ZNF331: variants seen among roughly 807,000 people sequenced by gnomAD.
The protein encoded by ZNF331 is C2H2-like zinc finger protein rearranged in thyroid adenomas.
Under a neutral mutation model 7.0 loss-of-function variants are expected in ZNF331, and 2 were observed. That is an observed-to-expected ratio of 0.29 (90% CI 0.12 to 0.90). ZNF331 has a LOEUF of 0.90. Ranked by LOEUF, ZNF331 falls within the 40% of genes least tolerant of loss-of-function variation. The pLI, the probability that ZNF331 is intolerant of heterozygous loss-of-function variation, is 0.58. For synonymous variants in ZNF331, 196 were observed against 205.4 expected (o/e 0.95, Z 0.39); for missense variants, 432 against 587.7 (o/e 0.74, Z 2.74).
chr19:53,547,207 C>G (rs1002623846), intron 2 of ZNF331, among the ~76,000 whole-genome samples: 1 of 152,182 alleles, frequency 6.6e-6, no homozygotes, highest in Non-Finnish European at 1.5e-5. Flanking sequence ...CATTCCCCAT[C>G]ACCCTCCCAG....
intron 5 of ZNF331, among the ~76,000 whole-genome samples, chr19:53,575,499 C>CTTTTTTTT (rs34296898): frequency 5.7e-4 from 43 of 75,896 alleles, no homozygotes; most frequent in Non-Finnish European, 6.1e-4. Context: ...TACCCAGTTG[C>CTTTTTTTT]TTTTTTTTTT....
intron 2 of ZNF331, among the ~76,000 whole-genome samples, chr19:53,553,413 G>A (rs929056047): frequency 2.6e-5 from 4 of 152,144 alleles, no homozygotes; most frequent in African/African-American, 9.7e-5. Flanking sequence ...GTGTAACCAG[G>A]TGAAAGATAC....
intron 3 of ZNF331, among the ~76,000 whole-genome samples, chr19:53,559,455 TATATACACACC>T (rs1473545662): frequency 7.2e-6 from 1 of 139,804 alleles, no homozygotes; most frequent in African/African-American, 3.2e-5. Context: ...TATACACACA[TATATACACACC>T]ATACACACAT....
At chr19:53,572,572 ATT>A (rs966431316) in intron 5 of ZNF331, among the ~76,000 whole-genome samples, 2 of 58,544 alleles carry the variant, frequency 3.4e-5, no homozygotes, top group African/African-American at 1.2e-4. Flanking sequence ...ACACATATAT[ATT>A]ATATATACAC....
chr19:53,545,816 G>A (rs974822660), intron 2 of ZNF331, among the ~76,000 whole-genome samples: 2 of 152,158 alleles, frequency 1.3e-5, no homozygotes, highest in Admixed American at 6.5e-5. Context: ...CAAGCCGGAC[G>A]TGTTCTCCGT....
chr19:53,546,494 T>C (rs2088625056), intron 2 of ZNF331, among the ~76,000 whole-genome samples: 1 of 151,536 alleles, frequency 6.6e-6, no homozygotes. Context: ...GACATCCTGC[T>C]GTGTGCTCTG....
intron 3 of ZNF331, among the ~76,000 whole-genome samples, chr19:53,566,574 T>C (rs1388557050): frequency 1.3e-5 from 2 of 151,868 alleles, no homozygotes; most frequent in Non-Finnish European, 1.5e-5. Flanking sequence ...CCACATTGTT[T>C]ATACTGATTA....
chr19:53,512,497 C>T, the ZNF331 span: 1 of 152,318 alleles, frequency 6.6e-6, no homozygotes, highest in Non-Finnish European at 1.5e-5. Context: ...GCTTACTTCC[C>T]TTACCCAGTG....
rs777409956 is a variant in ZNF331 at position 53,539,044 on chromosome 19, G to C, written c.-204-172G>C. ...AGGAGTAGAATTCCTCCTGTAGAGG[G>C]ACAGGTCCCTGATGTGGGAGACAGG... On this transcript the variant is annotated intron_variant, in intron 1 of 5. Coordinates refer to ENST00000449416, the MANE Select transcript of ZNF331 (RefSeq NM_001079906.2). This position sits in a 1 kb window ranked among gnomAD's most constrained non-coding sequence, Gnocchi z 6.1. 10 of 152,238 alleles carry C rather than the reference G, an allele frequency of 6.6e-5. No individual in the cohort carries two copies. The highest frequency in any genetic ancestry group is 1.3e-4 in the Non-Finnish European group (9 of 68,070). The allele number at this position is 152,238 out of a possible 1,614,324, so 9.4% of individuals were successfully genotyped here.
rs1427275056 is a variant in ZNF331 at position 53,571,430 on chromosome 19, G to A, written c.10-174G>A. On this transcript the variant is annotated intron_variant, in intron 4 of 5. Transcript: ENST00000449416. This position sits in a 1 kb window ranked among gnomAD's most constrained non-coding sequence, Gnocchi z 4.7. ...CAGCGGTAGAGCTCTTCAGTGACAT[G>A]CAGGCATTCTGCTTCCGTCACAGTT... Among the ~76,000 whole-genome samples, 2 of 152,168 alleles carry A rather than the reference G, an allele frequency of 1.3e-5. No homozygotes were observed. The highest frequency in any genetic ancestry group is 1.9e-4 in the East Asian group (1 of 5,180).
At chr19:53,574,845 T>C (rs1328735357) in intron 5 of ZNF331, among the ~76,000 whole-genome samples, 1 of 152,214 alleles carries the variant, frequency 6.6e-6, no homozygotes, top group Admixed American at 6.5e-5. Flanking sequence ...ATCTGCTAAT[T>C]GCTCATGCAG....
At position 53,579,188 on chromosome 19, in the gene ZNF331, G is replaced by GT. The variant is rs2090840411; in HGVS notation, c.*1241dup. The GT allele has an allele frequency of 4.8e-6, 1 of 208,564 alleles. No homozygotes were observed. Among genetic ancestry groups the GT allele is most frequent in the Non-Finnish European group, 9.8e-6 (1 of 102,388 alleles). The allele number at this position is 208,564 out of a possible 1,614,324, so 12.9% of individuals were successfully genotyped here. A position where few individuals can be genotyped will look rare whatever the true frequency, so the allele number is the denominator to read the frequency against. ...AAAATCACTTTTTCTGAATGATCTT[G>GT]TTTTTGGTGTAGATGTTTTTATTGT... On this transcript the variant is annotated 3_prime_UTR_variant, in exon 6 of 6. Transcript: ENST00000449416.
At chr19:53,530,400 G>A (rs572066182) in intron 2 of ZNF331, among the ~76,000 whole-genome samples, 1 of 152,052 alleles carries the variant, frequency 6.6e-6, no homozygotes, top group South Asian at 2.1e-4. Flanking sequence ...AGTTCAACTG[G>A]AGATTTAGAC....
the ZNF331 span, among the ~76,000 whole-genome samples, chr19:53,514,092 C>T: frequency 1.3e-5 from 2 of 152,186 alleles, no homozygotes; most frequent in Admixed American, 6.5e-5. Context: ...CTCTTGAACA[C>T]CTGAAAAAAT....
At chr19:53,508,517 CTGTCTCCAGAAGGAGACATCCTTTTGGA>C in the ZNF331 span, among the ~76,000 whole-genome samples, 162 of 152,258 alleles carry the variant, frequency 1.1e-3, 1 homozygote, top group Non-Finnish European at 1.7e-3. Flanking sequence ...TTGAATGTGG[CTGTCTCCAGAAGGAGACATCCTTTTGGA>C]TGTCTCTTCT....
intron 5 of ZNF331, among the ~76,000 whole-genome samples, chr19:53,575,655 G>A (rs1194639406): frequency 6.6e-6 from 1 of 150,784 alleles, no homozygotes; most frequent in African/African-American, 2.4e-5. Flanking sequence ...TGCGTTTTTA[G>A]TACAGACAGG....
the ZNF331 span, among the ~76,000 whole-genome samples, chr19:53,506,283 G>C: frequency 0.37 from 25,858 of 69,134 alleles, 5,620 homozygotes; most frequent in African/African-American, 0.52. Flanking sequence ...TGCAGTGAGC[G>C]GAGATCGCGC....
chr19:53,512,284 GA>G, the ZNF331 span: 1 of 153,626 alleles, frequency 6.5e-6, no homozygotes. Context: ...CCGAGGCCTG[GA>G]AGGTCTGCAC....
intron 3 of ZNF331, among the ~76,000 whole-genome samples, chr19:53,566,990 CAG>C (rs2090189940): frequency 6.6e-6 from 1 of 152,034 alleles, no homozygotes; most frequent in South Asian, 2.1e-4. Flanking sequence ...TATATATAGA[CAG>C]ATGCGTGTGT....
Sources: gnomAD v4.1 joint callset for allele counts (sites outside exome capture counted in the v4.1 genomes callset) on GRCh38, gnomAD v4.1.1 for gene constraint, Gnocchi (gnomAD v3.1) non-coding constraint, MANE v1.5 for transcripts, NCBI Gene and HGNC (gene_info 2026-07-23, HGNC 2026-07-21) for gene names.